RBM26: variants seen among roughly 807,000 people sequenced by gnomAD.
RBM26 encodes the protein RNA-binding protein 26.
Under a neutral mutation model 123.6 loss-of-function variants are expected in RBM26, and 30 were observed. That is an observed-to-expected ratio of 0.24 (90% CI 0.18 to 0.33). The LOEUF is 0.33. Among genes scored for constraint, RBM26 ranks in the 10% least tolerant of loss-of-function variants. RBM26 has a pLI of 1.00. For missense variants in RBM26, 947 were observed against 1,203.6 expected (o/e 0.79, Z 3.15); for synonymous variants, 400 against 404.4 (o/e 0.99, Z 0.13).
intron 20 of RBM26, among the ~76,000 whole-genome samples, chr13:79,325,237 A>G (rs1158585360): frequency 6.6e-6 from 1 of 152,044 alleles, no homozygotes; most frequent in Non-Finnish European, 1.5e-5. Context: ...ATTATTTTAG[A>G]GTGTACTCTA....
chr13:79,394,154 G>A (rs1271968654), intron 1 of RBM26, among the ~76,000 whole-genome samples: 1 of 152,172 alleles, frequency 6.6e-6, no homozygotes, highest in Non-Finnish European at 1.5e-5. Context: ...CCCCTCTGCT[G>A]GCACATTGTG....
Position 79,405,847 on chromosome 13 carries a change from C to T in RBM26, c.-73G>A. On this transcript the variant is annotated 5_prime_UTR_variant, in exon 1 of 22. Transcript: ENST00000438737. ...CGGCCGCTACAGCCGCCGCTGCCCC[C>T]GCCCCCTCCTCCGCGCGCCGCCCGC... The T allele has an allele frequency of 2.2e-6, 2 of 925,780 alleles. No individual in the cohort carries two copies. The highest frequency in any genetic ancestry group is 3.5e-5 in the South Asian group (1 of 28,632). 57.3% of individuals were successfully genotyped at this position (925,780 alleles called of 1,614,324 possible). A position where few individuals can be genotyped will look rare whatever the true frequency, so the allele number is the denominator to read the frequency against.
At chr13:79,351,039 TTAG>T (rs2073139591) in intron 14 of RBM26, among the ~76,000 whole-genome samples, 1 of 152,232 alleles carries the variant, frequency 6.6e-6, no homozygotes, top group African/African-American at 2.4e-5. Flanking sequence ...AAAAATTCAG[TTAG>T]TAGTTTATTG....
At chr13:79,327,852 A>G (rs2068680158) in intron 20 of RBM26, among the ~76,000 whole-genome samples, 4 of 152,112 alleles carry the variant, frequency 2.6e-5, no homozygotes, top group Admixed American at 2.6e-4. Flanking sequence ...GGTAATGGGT[A>G]TACTAGAACC....
At chr13:79,345,127 A>C (rs2072094835) in intron 14 of RBM26, among the ~76,000 whole-genome samples, 1 of 152,196 alleles carries the variant, frequency 6.6e-6, no homozygotes, top group Non-Finnish European at 1.5e-5. Context: ...ATTTGTAGTG[A>C]CTAAAGCAGA....
intron 14 of RBM26, among the ~76,000 whole-genome samples, chr13:79,347,866 C>T (rs149139799): frequency 4.6e-4 from 70 of 152,096 alleles, no homozygotes; most frequent in Admixed American, 4.6e-4. Flanking sequence ...CAAGGAAAAA[C>T]AGTCAATATT....
chr13:79,402,507 C>T (rs2079137769), intron 1 of RBM26, among the ~76,000 whole-genome samples: 1 of 151,162 alleles, frequency 6.6e-6, no homozygotes, highest in South Asian at 2.1e-4. Flanking sequence ...TTCCCACTAT[C>T]CTTCAATAAC....
chr13:79,373,422 A>ATATTATATTATATATAT (rs1189504283), intron 3 of RBM26, among the ~76,000 whole-genome samples: 28 of 10,112 alleles, frequency 2.8e-3, no homozygotes, highest in East Asian at 0.023. Flanking sequence ...ATATATAAAT[A>ATATTATATTATATATAT]AAATATAAAT....
At chr13:79,337,028 C>T (rs891928655) in intron 19 of RBM26, 74 bp downstream of exon 19, 2 of 1,348,184 alleles carry the variant, frequency 1.5e-6, no homozygotes, top group African/African-American at 2.9e-5. Flanking sequence ...CTTTTCATAA[C>T]TTCCTCTTTA....
chr13:79,331,357 A>C (rs1020142459), intron 20 of RBM26, among the ~76,000 whole-genome samples: 1 of 151,906 alleles, frequency 6.6e-6, no homozygotes, highest in African/African-American at 2.4e-5. Context: ...ACAGTGGCTC[A>C]TGCCTGTAAC....
In RBM26 at chr13:79,319,985, CTT is replaced by C; in HGVS notation, c.*634_*635del. 8.0e-6 allele frequency: 3 copies of C among 374,250 alleles called. No individual in the cohort carries two copies. The highest frequency in any genetic ancestry group is 8.9e-6 in the Non-Finnish European group (3 of 337,226). 23.2% of individuals were successfully genotyped at this position (374,250 alleles called of 1,614,324 possible). A position where few individuals can be genotyped will look rare whatever the true frequency, so the allele number is the denominator to read the frequency against. On this transcript the variant is annotated 3_prime_UTR_variant, in exon 22 of 22. Coordinates refer to ENST00000438737, the MANE Select transcript of RBM26 (RefSeq NM_001366735.2). ...TTTTTTTTTTTGTCATTGCTTTTCT[CTT>C]TTCTTTCCTTTTTTTTTTTTAAAGA...
intron 1 of RBM26, among the ~76,000 whole-genome samples, chr13:79,402,508 C>T (rs1434113496): frequency 6.6e-6 from 1 of 151,498 alleles, no homozygotes; most frequent in Admixed American, 6.6e-5. Context: ...TCCCACTATC[C>T]TTCAATAACA....
At chr13:79,340,504 T>C (rs943316592) in intron 18 of RBM26, among the ~76,000 whole-genome samples, 2 of 152,070 alleles carry the variant, frequency 1.3e-5, no homozygotes, top group Non-Finnish European at 2.9e-5. Flanking sequence ...ACTATATTAA[T>C]GACGTTAATG....
rs184310363 is a variant in RBM26 at position 79,329,372 on chromosome 13, T to G, written c.2820+4972A>C. 1.2e-3 allele frequency among the ~76,000 whole-genome samples: 178 copies of G among 152,012 alleles called. 2 individuals carry two copies. Among genetic ancestry groups the G allele is most frequent in the African/African-American group, 4.1e-3 (170 of 41,462 alleles). On this transcript the variant is annotated intron_variant, in intron 20 of 21. Transcript: ENST00000438737. Reference sequence around the variant, plus strand: ...ATGTATGTTTTTTTTTCACTCCCAGTTCTGACAACTGAAAAGGATTAGTGA... The same window carrying G: ...ATGTATGTTTTTTTTTCACTCCCAGGTCTGACAACTGAAAAGGATTAGTGA...
intron 14 of RBM26, among the ~76,000 whole-genome samples, chr13:79,346,268 C>A (rs2072313135): frequency 6.6e-6 from 1 of 152,112 alleles, no homozygotes; most frequent in South Asian, 2.1e-4. Context: ...AAAGTGTTAG[C>A]CTCTAAACGA....
At chr13:79,374,713 C>T (rs1425930946) in intron 3 of RBM26, among the ~76,000 whole-genome samples, 1 of 152,074 alleles carries the variant, frequency 6.6e-6, no homozygotes, top group East Asian at 1.9e-4. Flanking sequence ...CCTTCTATTT[C>T]CTCAATGCAC....
In RBM26 at chr13:79,318,869, T is replaced by G. The variant is rs1362851727; in HGVS notation, c.*1752A>C. The stretch of plus-strand genomic sequence containing the variant: ...CGTGAGCCTCTGCCAATTTGGCACC[T>G]TTCACGACTACTAAAAAGAAAAGAA... On this transcript the variant is annotated 3_prime_UTR_variant, in exon 22 of 22. Coordinates refer to ENST00000438737, the MANE Select transcript of RBM26 (RefSeq NM_001366735.2). 1.0e-6 allele frequency: 1 copy of G among 978,132 alleles called. No individual in the cohort carries two copies. The highest frequency in any genetic ancestry group is 1.2e-6 in the Non-Finnish European group (1 of 823,598). The allele number at this position is 978,132 out of a possible 1,614,324, so 60.6% of individuals were successfully genotyped here.
intron 1 of RBM26, among the ~76,000 whole-genome samples, chr13:79,393,898 ATTCTTT>A (rs1041842845): frequency 6.6e-6 from 1 of 152,028 alleles, no homozygotes; most frequent in Non-Finnish European, 1.5e-5. Context: ...TGCACTGCCT[ATTCTTT>A]TTGTGTGTGT....
downstream of RBM26, chr13:79,314,987 C>T (rs2067015889): frequency 2.3e-6 from 3 of 1,300,864 alleles, no homozygotes; most frequent in South Asian, 1.2e-5. Context: ...ATGATGATCT[C>T]TCTCTGCTGG....
Sources: gnomAD v4.1 joint callset for allele counts (sites outside exome capture counted in the v4.1 genomes callset) on GRCh38, gnomAD v4.1.1 for gene constraint, MANE v1.5 for transcripts, NCBI Gene and HGNC (gene_info 2026-07-23, HGNC 2026-07-21) for gene names.